CCAR1: variants seen among roughly 807,000 people sequenced by gnomAD.
The protein encoded by CCAR1 is cell division cycle and apoptosis regulator protein 1.
In CCAR1, 78 loss-of-function variants were observed where a neutral mutation model predicts 163.8. That is an observed-to-expected ratio of 0.48 (90% CI 0.40 to 0.57). The LOEUF is 0.57. Ranked by LOEUF, CCAR1 falls within the 20% of genes least tolerant of loss-of-function variation. The pLI is 0.00. For missense variants in CCAR1, 1,019 were observed against 1,365.2 expected (o/e 0.75, Z 4.00); for synonymous variants, 443 against 460.7 (o/e 0.96, Z 0.49).
rs2055849942 is a variant in CCAR1, at chr10:68,721,252, T to C, written c.-81T>C. Reference sequence around the variant, plus strand: ...GCGCCTAAAGCTGACGGGTTTGAAATGGCTTCGATGTTAGCCGGGACCCGA... The same window carrying C: ...GCGCCTAAAGCTGACGGGTTTGAAACGGCTTCGATGTTAGCCGGGACCCGA... On this transcript the variant is annotated 5_prime_UTR_variant, in exon 1 of 25. An upstream start codon of the reference 5' UTR is lost. Transcript: ENST00000265872. 5.7e-6 allele frequency: 1 copy of C among 176,688 alleles called. No individual in the cohort carries two copies. The highest frequency in any genetic ancestry group is 8.0e-5 in the South Asian group (1 of 12,426). 10.9% of individuals were successfully genotyped at this position (176,688 alleles called of 1,614,324 possible).
In CCAR1 at chr10:68,747,339, A is replaced by AT. The variant is rs3216071; in HGVS notation, c.634-27dup. ...TAAATGAGTCTTCTAATTCACAAAG[A>AT]TTTTTTTTCTTATTCTTTCATTTTT... On this transcript the variant is annotated intron_variant, in intron 7 of 24. Coordinates refer to ENST00000265872, the MANE Select transcript of CCAR1 (RefSeq NM_018237.4). 3.0e-3 allele frequency: 4,835 copies of AT among 1,599,154 alleles called. 268 individuals carry two copies. The East Asian group carries it at 0.098, about 32-fold the overall frequency.
rs746170594 is a variant in CCAR1, at chr10:68,722,485, G to GT, written c.-12dup. 1.3e-4 allele frequency: 201 copies of GT among 1,604,802 alleles called. 1 individual carries two copies. The South Asian group carries it at 1.6e-3, about 13-fold the overall frequency. ...TGCTATAGAAGACAAACAAGGGAAG[G>GT]TTTTTTTTCCTTTTGCATCATGGCT... On this transcript the variant is annotated 5_prime_UTR_variant, in exon 2 of 25. Transcript: ENST00000265872.
At chr10:68,725,745 G>A (rs1386874710) in intron 2 of CCAR1, among the ~76,000 whole-genome samples, 1 of 151,628 alleles carries the variant, frequency 6.6e-6, no homozygotes, top group African/African-American at 2.4e-5. Context: ...GGTCAATTTC[G>A]GAGACACTGT....
chr10:68,755,462 C>G lies in CCAR1; in HGVS notation c.1551C>G (p.Pro517=). 6.2e-7 allele frequency: 1 copy of G among 1,614,158 alleles called. No individual in the cohort carries two copies. Residue 517 remains proline, a synonymous_variant, in exon 13 of 25, where the codon CCC becomes CCG. Coordinates refer to ENST00000265872, the MANE Select transcript of CCAR1 (RefSeq NM_018237.4). ...SLDGPDPEKD[P]SVLIKTAIRC... ...ATGGACCAGACCCAGAAAAAGATCC[C>G]TCTGTGTTGATTAAGACTGCTATTC...
intron 2 of CCAR1, among the ~76,000 whole-genome samples, chr10:68,729,755 A>G (rs1462401020): frequency 6.6e-6 from 1 of 151,526 alleles, no homozygotes; most frequent in East Asian, 1.9e-4. Context: ...GAAATTTTGA[A>G]TTTTAAAGTC....
chr10:68,749,481 TAATATTAGA>T, intron 9 of CCAR1, 34 bp from the exon 10 acceptor site: 1 of 1,516,140 alleles, frequency 6.6e-7, no homozygotes, highest in Non-Finnish European at 9.0e-7. Context: ...AGCTTTTCCA[TAATATTAGA>T]AATATTAGTA....
chr10:68,787,704 G>A (rs1188657436), intron 21 of CCAR1: 4 of 360,558 alleles, frequency 1.1e-5, no homozygotes, highest in East Asian at 5.9e-5. Flanking sequence ...GCATGATGGC[G>A]GGTGCCTGTA....
intron 2 of CCAR1, among the ~76,000 whole-genome samples, chr10:68,732,277 C>T (rs1157738260): frequency 1.3e-5 from 2 of 152,120 alleles, no homozygotes; most frequent in East Asian, 3.8e-4. Flanking sequence ...AGTACTAATA[C>T]TTTTTCATAG....
At chr10:68,726,097 G>A (rs2055940605) in intron 2 of CCAR1, among the ~76,000 whole-genome samples, 1 of 144,498 alleles carries the variant, frequency 6.9e-6, no homozygotes, top group Non-Finnish European at 1.5e-5. Flanking sequence ...CTGGGTGACA[G>A]AGTGAGACCC....
At chr10:68,763,175 G>A (rs1037140645) in intron 16 of CCAR1, among the ~76,000 whole-genome samples, 1 of 151,754 alleles carries the variant, frequency 6.6e-6, no homozygotes, top group Non-Finnish European at 1.5e-5. Flanking sequence ...ATTTTGAGAC[G>A]GAGTCTCGCC....
chr10:68,766,553 G>A (rs1259448858), intron 17 of CCAR1, among the ~76,000 whole-genome samples: 1 of 150,568 alleles, frequency 6.6e-6, no homozygotes, highest in Non-Finnish European at 1.5e-5. Flanking sequence ...TTGAGACGGA[G>A]TTCACTCTTA....
chr10:68,756,660 T>C lies in CCAR1; in HGVS notation c.1836+177T>C, dbSNP rs2056400074. 3 of 696,006 alleles carry C rather than the reference T, an allele frequency of 4.3e-6. No homozygotes were observed. The highest frequency in any genetic ancestry group is 2.6e-6 in the Non-Finnish European group (1 of 384,516). The allele number at this position is 696,006 out of a possible 1,614,324, so 43.1% of individuals were successfully genotyped here. ...ATGTTCTTTTCTCTTAAAATTTCTG[T>C]CTTATTATCCTAACTTTAAGAGTGC... On this transcript the variant is annotated intron_variant, in intron 14 of 24. Transcript: ENST00000265872. This position sits in a 1 kb window ranked among gnomAD's most constrained non-coding sequence, Gnocchi z 5.1.
intron 18 of CCAR1, among the ~76,000 whole-genome samples, chr10:68,771,720 T>G (rs1246465558): frequency 6.6e-6 from 1 of 150,696 alleles, no homozygotes; most frequent in Non-Finnish European, 1.5e-5. Context: ...GAGGTGGAGG[T>G]TGCAGTGAGC....
intron 19 of CCAR1, among the ~76,000 whole-genome samples, chr10:68,784,038 G>C (rs954688619): frequency 2.7e-4 from 41 of 152,190 alleles, no homozygotes; most frequent in Admixed American, 2.6e-3. Context: ...GATTACAGGC[G>C]TGAGCCACTG....
Position 68,737,842 on chromosome 10 carries a change from C to T in CCAR1, c.247-3C>T, listed in dbSNP as rs751939829. 3.8e-6 allele frequency: 6 copies of T among 1,577,034 alleles called. No individual in the cohort carries two copies. The South Asian group carries it at 5.9e-5, about 15-fold the overall frequency. On this transcript the variant is annotated splice_region_variant and splice_polypyrimidine_tract_variant and intron_variant, in intron 3 of 24. Transcript: ENST00000265872. ...TTTGAAAAATTTTTTTTTAATCTTT[C>T]AGCAATATTCACAACCTCAGCAGGC...
intron 5 of CCAR1, among the ~76,000 whole-genome samples, chr10:68,740,882 AT>A (rs563054996): frequency 6.8e-6 from 1 of 147,298 alleles, no homozygotes; most frequent in East Asian, 2.0e-4. Flanking sequence ...ATGAGGTTTT[AT>A]TTTATTTATT....
intron 22 of CCAR1, 44 bp from the exon 23 acceptor site, chr10:68,788,096 AAAG>A (rs772754043): frequency 6.6e-6 from 10 of 1,524,196 alleles, no homozygotes; most frequent in Middle Eastern, 3.6e-4. Flanking sequence ...ACTAGTAATT[AAAG>A]AAGAAAAATA....
chr10:68,735,389 T>TG (rs1366804757), intron 2 of CCAR1, among the ~76,000 whole-genome samples: 1 of 150,026 alleles, frequency 6.7e-6, no homozygotes, highest in Non-Finnish European at 1.5e-5. Flanking sequence ...TTTTTTTTTT[T>TG]TTCCAATATT....
At chr10:68,764,811 C>T (rs1284457416) in intron 16 of CCAR1, among the ~76,000 whole-genome samples, 1 of 152,182 alleles carries the variant, frequency 6.6e-6, no homozygotes, top group African/African-American at 2.4e-5. Context: ...TTTTAGCACA[C>T]TTTAAAAATA....
Sources: gnomAD v4.1 joint callset for allele counts (sites outside exome capture counted in the v4.1 genomes callset) on GRCh38, gnomAD v4.1.1 for gene constraint, Gnocchi (gnomAD v3.1) non-coding constraint, MANE v1.5 for transcripts, NCBI Gene and HGNC (gene_info 2026-07-23, HGNC 2026-07-21) for gene names.